The following KIT variants were observed in gnomAD, a reference collection of about 807,000 sequenced individuals.
The protein encoded by KIT is KIT proto-oncogene, receptor tyrosine kinase, also known as mast/stem cell growth factor receptor Kit.
KIT carries 16 observed loss-of-function variants against 105.7 expected under a neutral mutation model. The observed-to-expected ratio is 0.15, with a 90% CI of 0.10 to 0.23. KIT has a LOEUF of 0.23. Ranked by LOEUF, KIT falls within the 10% of genes least tolerant of loss-of-function variation. The pLI, the probability that KIT is intolerant of heterozygous loss-of-function variation, is 1.00. For missense variants in KIT, 858 were observed against 1,213.8 expected, an observed-to-expected ratio of 0.71 and a Z score of 4.36; for synonymous variants, 438 against 441.1, an observed-to-expected ratio of 0.99 and a Z score of 0.09.
At chr4:54,719,667 A>G (rs575408925) in intron 7 of KIT, among the ~76,000 whole-genome samples, 1 of 152,336 alleles carries the variant, frequency 6.6e-6, no homozygotes, top group East Asian at 1.9e-4. Flanking sequence ...GTCATTTGCT[A>G]TACTGCTTAT....
chr4:54,739,226 T>C lies in KIT; in HGVS notation c.*669T>C, dbSNP rs1723110320. 7.5e-6 allele frequency: 2 copies of C among 266,210 alleles called. No homozygotes were observed. The highest frequency in any genetic ancestry group is 1.4e-5 in the Non-Finnish European group (2 of 140,456). The allele number at this position is 266,210 out of a possible 1,614,324, so 16.5% of individuals were successfully genotyped here. A position where few individuals can be genotyped will look rare whatever the true frequency, so the allele number is the denominator to read the frequency against. ...AGAAGGCCTCCCTAGCCAGCACTTG[T>C]ATATACGCATCTATAAATTGTCCGT... On this transcript the variant is annotated 3_prime_UTR_variant, in exon 21 of 21. Transcript: ENST00000288135.
In KIT at chr4:54,729,433, C is replaced by T. The variant is rs763308199; in HGVS notation, c.2089C>T (p.His697Tyr). 7.1e-5 allele frequency: 115 copies of T among 1,613,600 alleles called. No individual in the cohort carries two copies. Among genetic ancestry groups the T allele is most frequent in the Non-Finnish European group, 8.6e-5 (102 of 1,179,780 alleles). ...DSFICSKQED[H>Y]AEAALYKNLL... ...ATTTATTTGTTCAAAGCAGGAAGAT[C>T]ATGCAGAAGCTGCACTTTATAAGAA... The change falls in exon 14 of 21, where the codon CAT (histidine) becomes TAT (tyrosine). Residue 697 changes from histidine (H) to tyrosine (Y), a missense_variant. Coordinates refer to ENST00000288135, the MANE Select transcript of KIT (RefSeq NM_000222.3).
chr4:54,736,752 T>C lies in KIT; in HGVS notation c.2628T>C (p.Asp876=). The C allele has an allele frequency of 6.2e-7, 1 of 1,614,134 alleles. No homozygotes were observed. Among genetic ancestry groups the C allele is most frequent in the East Asian group, 2.2e-5 (1 of 44,876 alleles). ...GSSPYPGMPV[D]SKFYKMIKEG... is the part of the protein sequence containing the mutation. ...GCCCCTATCCTGGAATGCCGGTCGATTCTAAGTTCTACAAGATGATCAAGG... is the reference window on the plus strand; with the variant it reads ...GCCCCTATCCTGGAATGCCGGTCGACTCTAAGTTCTACAAGATGATCAAGG... Residue 876 remains aspartate (D), a synonymous_variant, in exon 19 of 21, where the codon GAT becomes GAC. Coordinates refer to ENST00000288135, the MANE Select transcript of KIT (RefSeq NM_000222.3).
At chr4:54,728,580 T>C (rs1435029378) in intron 13 of KIT, among the ~76,000 whole-genome samples, 2 of 152,186 alleles carry the variant, frequency 1.3e-5, no homozygotes, top group Admixed American at 1.3e-4. Flanking sequence ...GAAGCCTTAG[T>C]TGAAGTTCCC....
chr4:54,703,441 T>C (rs189413501), intron 4 of KIT, among the ~76,000 whole-genome samples: 140 of 152,316 alleles, frequency 9.2e-4, no homozygotes, highest in African/African-American at 3.3e-3. Context: ...TTTTAAAATT[T>C]AGCGTTGTAT....
intron 1 of KIT, among the ~76,000 whole-genome samples, chr4:54,660,581 CAT>C (rs1215181530): frequency 2.0e-5 from 3 of 152,090 alleles, no homozygotes; most frequent in Admixed American, 6.5e-5. Context: ...TTTCGTATGA[CAT>C]GTGTGGTGTA....
chr4:54,672,606 A>G (rs1216030191), intron 1 of KIT, among the ~76,000 whole-genome samples: 1 of 152,128 alleles, frequency 6.6e-6, no homozygotes, highest in East Asian at 1.9e-4. Flanking sequence ...GTTAATATCT[A>G]AAAGGCAATC....
chr4:54,702,538 C>T (rs1461970163), intron 4 of KIT, among the ~76,000 whole-genome samples: 1 of 151,908 alleles, frequency 6.6e-6, no homozygotes, highest in African/African-American at 2.4e-5. Context: ...TTTCTCTTTT[C>T]CCCTATGCAT....
chr4:54,736,690 G>T (rs774091616), intron 18 of KIT, 31 bp from the exon 19 acceptor site: 13 of 1,606,374 alleles, frequency 8.1e-6, no homozygotes, highest in Non-Finnish European at 8.5e-6. Flanking sequence ...GCTTCCTTGT[G>T]ATTAACACTG....
chr4:54,679,455 G>A (rs2109600006), intron 1 of KIT, among the ~76,000 whole-genome samples: 1 of 152,162 alleles, frequency 6.6e-6, no homozygotes, highest in Non-Finnish European at 1.5e-5. Context: ...ACTTCCTTTG[G>A]TATAAACCAT....
chr4:54,673,012 T>A (rs1234660363), intron 1 of KIT, among the ~76,000 whole-genome samples: 1 of 152,226 alleles, frequency 6.6e-6, no homozygotes, highest in Non-Finnish European at 1.5e-5. Context: ...AATCTGATGA[T>A]AATCTTATTT....
chr4:54,740,293 AC>A lies in KIT; in HGVS notation c.*1737del. ...CACCCAAGAGATTGTTGTTTGCCAT[AC>A]TTTGTCTGAAAAATTCCTTTGTGTT... is the stretch of plus-strand genomic sequence containing the variant. On this transcript the variant is annotated 3_prime_UTR_variant, in exon 21 of 21. Transcript: ENST00000288135. 1 of 233,570 alleles carries A rather than the reference AC, an allele frequency of 4.3e-6. No homozygotes were observed. The highest frequency in any genetic ancestry group is 8.5e-6 in the Non-Finnish European group (1 of 117,984). 14.5% of individuals were successfully genotyped at this position (233,570 alleles called of 1,614,324 possible).
At chr4:54,681,287 G>A (rs1718895933) in intron 1 of KIT, among the ~76,000 whole-genome samples, 1 of 151,882 alleles carries the variant, frequency 6.6e-6, no homozygotes, top group African/African-American at 2.4e-5. Context: ...TGGGGTGGGG[G>A]GTGCGGGGAA....
intron 11 of KIT, 94 bp downstream of exon 11, chr4:54,727,636 C>T: frequency 6.6e-7 from 1 of 1,524,280 alleles, no homozygotes; most frequent in Non-Finnish European, 9.1e-7. Context: ...TTTTGTTCCA[C>T]CTGAAACAAT....
rs999021 is a variant in KIT, at chr4:54,658,366, C to G, written c.67+285C>G. On this transcript the variant is annotated intron_variant, in intron 1 of 20. Coordinates refer to ENST00000288135, the MANE Select transcript of KIT (RefSeq NM_000222.3). Reference sequence around the variant, plus strand: ...TTAGGCGTGAGCGAGGCTGCAGGCTCCGTGCGAGTTTGGGGTGGCTTTTGT... The same window carrying G: ...TTAGGCGTGAGCGAGGCTGCAGGCTGCGTGCGAGTTTGGGGTGGCTTTTGT... Among the ~76,000 whole-genome samples the G allele has an allele frequency of 0.59, 89,674 of 151,852 alleles. 27,031 individuals carry two copies. The highest frequency in any genetic ancestry group is 0.71 in the African/African-American group (29,567 of 41,454).
At chr4:54,672,181 G>C (rs13128858) in intron 1 of KIT, among the ~76,000 whole-genome samples, 46,855 of 152,062 alleles carry the variant, frequency 0.31, 7,858 homozygotes, top group Admixed American at 0.4. Flanking sequence ...CCCCGTTTTG[G>C]TTAAGGAAAC....
chr4:54,713,101 G>A (rs2109728171), intron 7 of KIT, among the ~76,000 whole-genome samples: 1 of 152,040 alleles, frequency 6.6e-6, no homozygotes, highest in South Asian at 2.1e-4. Context: ...ACATTATTAT[G>A]TGGTAGTATT....
At position 54,728,031 on chromosome 4, in the gene KIT, C is replaced by A. The variant is rs144369407; in HGVS notation, c.1900C>A (p.Arg634=). The change falls in exon 13 of 21, where the codon CGG becomes AGG. Residue 634 remains arginine (R), a synonymous_variant. Coordinates refer to ENST00000288135, the MANE Select transcript of KIT (RefSeq NM_000222.3). ...MLKPSAHLTE[R]EALMSELKVL... The stretch of plus-strand genomic sequence containing the variant: ...TTTAGCGAGTGCCCATTTGACAGAA[C>A]GGGAAGCCCTCATGTCTGAACTCAA... The A allele has an allele frequency of 6.2e-7, 1 of 1,613,952 alleles. No homozygotes were observed. The highest frequency in any genetic ancestry group is 8.5e-7 in the Non-Finnish European group (1 of 1,179,890).
chr4:54,687,297 G>A (rs1719377772), intron 1 of KIT, among the ~76,000 whole-genome samples: 1 of 152,092 alleles, frequency 6.6e-6, no homozygotes, highest in Non-Finnish European at 1.5e-5. Context: ...AATTAGCCGG[G>A]TATGGTTATG....
Sources: gnomAD v4.1 joint callset for allele counts (sites outside exome capture counted in the v4.1 genomes callset) on GRCh38, gnomAD v4.1.1 for gene constraint, MANE v1.5 for transcripts, NCBI Gene and HGNC (gene_info 2026-07-23, HGNC 2026-07-21) for gene names.